FIGN: variants seen among roughly 807,000 people sequenced by gnomAD.
FIGN encodes fidgetin, microtubule severing factor.
FIGN carries 11 observed loss-of-function variants against 51.3 expected under a neutral mutation model. The ratio of observed to expected loss-of-function variants is 0.21; its 90% CI spans 0.13 to 0.35. FIGN has a LOEUF of 0.35. FIGN is among the 10% of genes least tolerant of loss of function. The probability of loss-of-function intolerance (pLI) is 1.00; values close to 1 mark genes in which losing one functional copy is unlikely to be tolerated. For missense variants in FIGN, 857 were observed against 943.6 expected (o/e 0.91, Z 1.20); for synonymous variants, 407 against 363.2 (o/e 1.12, Z -1.37).
At chr2:163,650,593 A>T (rs1573926554) in intron 2 of FIGN, among the ~76,000 whole-genome samples, 1 of 145,674 alleles carries the variant, frequency 6.9e-6, no homozygotes, top group South Asian at 2.1e-4. Context: ...CCCTGTGTCC[A>T]TGTGTTCTCA....
intron 2 of FIGN, among the ~76,000 whole-genome samples, chr2:163,717,896 TG>T (rs934869599): frequency 6.6e-5 from 10 of 152,184 alleles, no homozygotes; most frequent in African/African-American, 2.2e-4. Flanking sequence ...TGTAAATGAA[TG>T]GTTTAAATGA....
chr2:163,656,384 C>T (rs887507091), intron 2 of FIGN, among the ~76,000 whole-genome samples: 6 of 152,058 alleles, frequency 3.9e-5, no homozygotes, highest in African/African-American at 1.2e-4. Context: ...CATAACGAAA[C>T]AGTGAGAAAA....
At chr2:163,675,549 C>CTCT (rs754916038) in intron 2 of FIGN, among the ~76,000 whole-genome samples, 9 of 152,154 alleles carry the variant, frequency 5.9e-5, no homozygotes, top group Non-Finnish European at 1.2e-4. Context: ...TTCTGGGTGA[C>CTCT]TCTAATGCAT....
intron 2 of FIGN, among the ~76,000 whole-genome samples, chr2:163,642,970 T>G (rs1683325961): frequency 6.6e-6 from 1 of 152,190 alleles, no homozygotes; most frequent in Non-Finnish European, 1.5e-5. Context: ...TTCAAATTAA[T>G]GTGTAGATTC....
chr2:163,720,360 G>A (rs1050560586), intron 2 of FIGN, among the ~76,000 whole-genome samples: 11 of 152,094 alleles, frequency 7.2e-5, no homozygotes, highest in African/African-American at 2.7e-4. Flanking sequence ...AGGCATGGCC[G>A]ACCACTGAAT....
intron 2 of FIGN, among the ~76,000 whole-genome samples, chr2:163,703,104 T>C (rs1163458921): frequency 6.6e-6 from 1 of 151,966 alleles, no homozygotes; most frequent in East Asian, 1.9e-4. Flanking sequence ...AAATGCTTGA[T>C]TGGCTTTAGC....
At chr2:163,702,135 A>G (rs991286113) in intron 2 of FIGN, among the ~76,000 whole-genome samples, 1 of 152,144 alleles carries the variant, frequency 6.6e-6, no homozygotes, top group Non-Finnish European at 1.5e-5. Flanking sequence ...ATATGTAATC[A>G]GCAGAGACAG....
At chr2:163,636,308 G>A (rs533358519) in intron 2 of FIGN, among the ~76,000 whole-genome samples, 3 of 152,174 alleles carry the variant, frequency 2.0e-5, no homozygotes, top group South Asian at 2.1e-4. Context: ...TGTTTGAGAC[G>A]GAGTTTCGCT....
chr2:163,727,349 C>A (rs1684853312), intron 2 of FIGN, among the ~76,000 whole-genome samples: 1 of 150,994 alleles, frequency 6.6e-6, no homozygotes. Context: ...GGCTAACTAC[C>A]TACTAAAATA....
chr2:163,674,565 G>A (rs1351672698), intron 2 of FIGN, among the ~76,000 whole-genome samples: 8 of 152,182 alleles, frequency 5.3e-5, no homozygotes, highest in African/African-American at 1.4e-4. Context: ...CAGACTTACA[G>A]TAATGTAGGC....
chr2:163,676,434 A>AATATATATATAG (rs1683965561), intron 2 of FIGN, among the ~76,000 whole-genome samples: 2 of 65,856 alleles, frequency 3.0e-5, no homozygotes, highest in African/African-American at 9.9e-5. Flanking sequence ...GGATTCCTGG[A>AATATATATATAG]ATATATATAT....
intron 2 of FIGN, among the ~76,000 whole-genome samples, chr2:163,642,389 G>C (rs1683318300): frequency 6.6e-6 from 1 of 152,184 alleles, no homozygotes; most frequent in South Asian, 2.1e-4. Context: ...CTAATAACTA[G>C]TGTGTTCACT....
intron 2 of FIGN, among the ~76,000 whole-genome samples, chr2:163,648,924 C>T (rs891189209): frequency 1.3e-5 from 2 of 152,046 alleles, no homozygotes; most frequent in African/African-American, 2.4e-5. Flanking sequence ...GCTTAATTAA[C>T]GTCTGGGATG....
chr2:163,651,435 G>A (rs1265922633), intron 2 of FIGN, among the ~76,000 whole-genome samples: 2 of 152,202 alleles, frequency 1.3e-5, no homozygotes, highest in East Asian at 3.9e-4. Flanking sequence ...CAGCCTGAGC[G>A]ACACAGTGAG....
At chr2:163,723,045 G>A (rs1483527032) in intron 2 of FIGN, among the ~76,000 whole-genome samples, 3 of 151,854 alleles carry the variant, frequency 2.0e-5, no homozygotes, top group Non-Finnish European at 4.4e-5. Flanking sequence ...AAAATTAGCC[G>A]AGCGTGGTGG....
chr2:163,711,539 AT>A (rs1195388311), intron 2 of FIGN, among the ~76,000 whole-genome samples: 1 of 151,942 alleles, frequency 6.6e-6, no homozygotes, highest in African/African-American at 2.4e-5. Flanking sequence ...AGGACTTTAA[AT>A]CCCCCCACTT....
At position 163,604,398 on chromosome 2, in the gene FIGN, T is replaced by C. The variant is rs1691039362; in HGVS notation, c.*5154A>G. On this transcript the variant is annotated 3_prime_UTR_variant, in exon 3 of 3. Transcript: ENST00000333129. ...GACCTACACAGTGCATAATTTCTTTTAAGTTCTTTTAAGCAGTCTTGTGTT... is the reference window on the plus strand; with the variant it reads ...GACCTACACAGTGCATAATTTCTTTCAAGTTCTTTTAAGCAGTCTTGTGTT... 1 of 152,088 alleles carries C rather than the reference T, an allele frequency of 6.6e-6. No homozygotes were observed. Among genetic ancestry groups the C allele is most frequent in the South Asian group, 2.1e-4 (1 of 4,828 alleles). The allele number at this position is 152,088 out of a possible 1,614,324, so 9.4% of individuals were successfully genotyped here.
intron 2 of FIGN, among the ~76,000 whole-genome samples, chr2:163,694,155 T>A (rs1422492897): frequency 2.0e-5 from 3 of 152,182 alleles, no homozygotes; most frequent in African/African-American, 7.2e-5. Context: ...AGGAACTACG[T>A]CATATTCCAA....
At chr2:163,715,567 C>T (rs556830289) in intron 2 of FIGN, among the ~76,000 whole-genome samples, 1 of 152,098 alleles carries the variant, frequency 6.6e-6, no homozygotes, top group Non-Finnish European at 1.5e-5. Flanking sequence ...TTGACAGGTA[C>T]ATGCAAAAGT....
Sources: gnomAD v4.1 joint callset for allele counts (sites outside exome capture counted in the v4.1 genomes callset) on GRCh38, gnomAD v4.1.1 for gene constraint, MANE v1.5 for transcripts, NCBI Gene and HGNC (gene_info 2026-07-23, HGNC 2026-07-21) for gene names.